SLC25A4: variants seen among roughly 807,000 people sequenced by gnomAD.
SLC25A4 encodes solute carrier family 25 member 4.
Under a neutral mutation model 24.7 loss-of-function variants are expected in SLC25A4, and 10 were observed. The observed-to-expected ratio is 0.41, with a 90% CI of 0.25 to 0.69. SLC25A4 has a LOEUF of 0.69. SLC25A4 is among the 30% of genes least tolerant of loss of function. SLC25A4 has a pLI of 0.35. For missense variants in SLC25A4, 273 were observed against 387.6 expected (o/e 0.70, Z 2.48); for synonymous variants, 125 against 153.3 (o/e 0.82, Z 1.36).
Position 185,145,274 on chromosome 4 carries a change from A to G in SLC25A4, c.598+24A>G, listed in dbSNP as rs1351966074. 1 of 1,613,466 alleles carries G rather than the reference A, an allele frequency of 6.2e-7. No individual in the cohort carries two copies. The highest frequency in any genetic ancestry group is 1.3e-5 in the African/African-American group (1 of 74,922). ...GGGTGAGAGAGGGGCATCGGGGAGA[A>G]GGAGGGTGGTGTGGAAAGAGGATCC... is the stretch of plus-strand genomic sequence containing the variant. On this transcript the variant is annotated intron_variant, in intron 2 of 3. Transcript: ENST00000281456. This position sits in a 1 kb window ranked among gnomAD's most constrained non-coding sequence, Gnocchi z 5.5.
rs375855227 is a variant in SLC25A4, at chr4:185,145,151, T to A, written c.499T>A (p.Ser167Thr). 1.2e-5 allele frequency: 19 copies of A among 1,613,326 alleles called. No individual in the cohort carries two copies. Among genetic ancestry groups the A allele is most frequent in the Non-Finnish European group, 1.6e-5 (19 of 1,179,544 alleles). Residue 167 changes from serine to threonine, a missense_variant, in exon 2 of 4, where the codon TCT becomes ACT. By Grantham distance (58) the Ser-to-Thr change is moderately conservative. Transcript: ENST00000281456. This position sits in a 1 kb window ranked among gnomAD's most constrained non-coding sequence, Gnocchi z 5.5. ...LGDCIIKIFK[S>T]DGLRGLYQGF... is the part of the protein sequence containing the mutation. The stretch of plus-strand genomic sequence containing the variant: ...CGACTGTATCATCAAGATCTTCAAG[T>A]CTGATGGCCTGAGGGGGCTCTACCA...
chr4:185,146,748 A>G, intron 3 of SLC25A4, 66 bp from the exon 4 acceptor site: 17 of 1,581,200 alleles, frequency 1.1e-5, no homozygotes. Flanking sequence ...GTGTACAGAT[A>G]TGTTTCAGGG....
chr4:185,144,911 C>G lies in SLC25A4; in HGVS notation c.259C>G (p.Leu87Val). The G allele has an allele frequency of 6.2e-7, 1 of 1,614,216 alleles. No homozygotes were observed. Among genetic ancestry groups the G allele is most frequent in the Non-Finnish European group, 8.5e-7 (1 of 1,180,024 alleles). The change falls in exon 2 of 4, where the codon CTC becomes GTC. Residue 87 changes from leucine (L) to valine (V), a missense_variant. Coordinates refer to ENST00000281456, the MANE Select transcript of SLC25A4 (RefSeq NM_001151.4). ...GATCCGTTACTTCCCCACCCAAGCTCTCAACTTCGCCTTCAAGGACAAGTA... is the reference window on the plus strand; with the variant it reads ...GATCCGTTACTTCCCCACCCAAGCTGTCAACTTCGCCTTCAAGGACAAGTA... ...NVIRYFPTQALNFAFKDKYKQ... is the reference protein window; with the variant it reads ...NVIRYFPTQAVNFAFKDKYKQ...
Position 185,147,002 on chromosome 4 carries a change from A to G in SLC25A4, c.*31A>G. The G allele has an allele frequency of 3.1e-6, 5 of 1,588,634 alleles. No individual in the cohort carries two copies. The African/African-American group carries it at 4.0e-5, about 13-fold the overall frequency. ...TTAAAACACAAGTTCACAGATTTAC[A>G]GTGAACTTGATCTACAAGTTCACAG... On this transcript the variant is annotated 3_prime_UTR_variant, in exon 4 of 4. Transcript: ENST00000281456.
At position 185,144,954 on chromosome 4, in the gene SLC25A4, G is replaced by A. The variant is rs192213532; in HGVS notation, c.302G>A (p.Gly101Glu). The change falls in exon 2 of 4, where the codon GGG (glycine) becomes GAG (glutamate). Residue 101 changes from glycine to glutamate, a missense_variant. Physicochemically the swap from Gly to Glu is moderately conservative, Grantham distance 98. Transcript: ENST00000281456. The stretch of plus-strand genomic sequence containing the variant: ...GACAAGTACAAGCAGCTCTTCTTAG[G>A]GGGTGTGGATCGGCATAAGCAGTTC... Reference protein sequence around the residue: ...FKDKYKQLFLGGVDRHKQFWR... With the variant: ...FKDKYKQLFLEGVDRHKQFWR... The A allele has an allele frequency of 1.1e-5, 18 of 1,614,204 alleles. No individual in the cohort carries two copies. The highest frequency in any genetic ancestry group is 1.7e-5 in the Admixed American group (1 of 60,026).
chr4:185,146,668 C>T (rs982529728), intron 3 of SLC25A4, 146 bp from the exon 4 acceptor site: 6 of 832,668 alleles, frequency 7.2e-6, no homozygotes, highest in Non-Finnish European at 1.0e-5. Context: ...AAGGAGATGT[C>T]CAGTGGGATG....
In SLC25A4 at chr4:185,146,823, T is replaced by C. The variant is rs1188403523; in HGVS notation, c.749T>C (p.Met250Thr). ...MQSGRKGADIMYTGTVDCWRK... is the reference protein window; with the variant it reads ...MQSGRKGADITYTGTVDCWRK... The stretch of plus-strand genomic sequence containing the variant: ...GCATTTGTTTCCACAGCCGATATTA[T>C]GTACACGGGGACAGTTGACTGCTGG... Residue 250 changes from methionine to threonine, a missense_variant, in exon 4 of 4, where the codon ATG (methionine) becomes ACG (threonine). Physicochemically the swap from Met to Thr is moderately conservative, Grantham distance 81. Transcript: ENST00000281456. 10 of 1,614,230 alleles carry C rather than the reference T, an allele frequency of 6.2e-6. No individual in the cohort carries two copies. The highest frequency in any genetic ancestry group is 8.5e-6 in the Non-Finnish European group (10 of 1,180,042).
chr4:185,143,280 G>C lies in SLC25A4; in HGVS notation c.-93G>C, dbSNP rs986536206. 5 of 671,186 alleles carry C rather than the reference G, an allele frequency of 7.4e-6. No individual in the cohort carries two copies. The East Asian group carries it at 1.5e-4, about 20-fold the overall frequency. The allele number at this position is 671,186 out of a possible 1,614,324, so 41.6% of individuals were successfully genotyped here. A position where few individuals can be genotyped will look rare whatever the true frequency, so the allele number is the denominator to read the frequency against. ...GGCCAGGCGGCGGCCCCCTAGCGTC[G>C]CGCAGGGTCGGGGACTGCGCGGCGG... On this transcript the variant is annotated 5_prime_UTR_variant, in exon 1 of 4. Transcript: ENST00000281456.
In SLC25A4 at chr4:185,145,206, TTATC is replaced by T; in HGVS notation, c.558_561del (p.Tyr187GlufsTer25). 6.2e-7 allele frequency: 1 copy of T among 1,614,066 alleles called. No homozygotes were observed. The highest frequency in any genetic ancestry group is 8.5e-7 in the Non-Finnish European group (1 of 1,180,010). ...TTCAACGTCTCTGTCCAAGGCATCA[TTATC>T]TATAGAGCTGCCTACTTCGGAGTCT... On this transcript the variant is annotated frameshift_variant, in exon 2 of 4. Coordinates refer to ENST00000281456, the MANE Select transcript of SLC25A4 (RefSeq NM_001151.4). LOFTEE classifies it high-confidence loss of function. This position sits in a 1 kb window ranked among gnomAD's most constrained non-coding sequence, Gnocchi z 5.5.
At chr4:185,143,960 A>G (rs553802221) in intron 1 of SLC25A4, among the ~76,000 whole-genome samples, 1 of 152,306 alleles carries the variant, frequency 6.6e-6, no homozygotes, top group Non-Finnish European at 1.5e-5. Context: ...AACCTCTGTG[A>G]GAGAGTTATT....
In SLC25A4 at chr4:185,144,750, C is replaced by G. The variant is rs776046219; in HGVS notation, c.112-14C>G. On this transcript the variant is annotated splice_polypyrimidine_tract_variant and intron_variant, in intron 1 of 3. Coordinates refer to ENST00000281456, the MANE Select transcript of SLC25A4 (RefSeq NM_001151.4). ...CCCTGCCTGTCCTCTGTCACCCACC[C>G]TCCCCTCCACCAGGTCCAGCATGCC... The G allele has an allele frequency of 6.2e-7, 1 of 1,613,472 alleles. No individual in the cohort carries two copies. Among genetic ancestry groups the G allele is most frequent in the Non-Finnish European group, 8.5e-7 (1 of 1,179,828 alleles).
chr4:185,145,632 G>A lies in SLC25A4; in HGVS notation c.599-127G>A. The A allele has an allele frequency of 1.7e-6, 2 of 1,205,890 alleles. No homozygotes were observed. Among genetic ancestry groups the A allele is most frequent in the Non-Finnish European group, 2.4e-6 (2 of 845,182 alleles). The allele number at this position is 1,205,890 out of a possible 1,614,324, so 74.7% of individuals were successfully genotyped here. On this transcript the variant is annotated intron_variant, in intron 2 of 3. Transcript: ENST00000281456. This position sits in a 1 kb window ranked among gnomAD's most constrained non-coding sequence, Gnocchi z 5.5. ...CTGCCTGGTCATATGTGAAGCACCT[G>A]CACAGGGGCAGGTTCCCCGCAAGGT... is the stretch of plus-strand genomic sequence containing the variant.
In SLC25A4 at chr4:185,148,421, G is replaced by A. The variant is rs879005088; in HGVS notation, c.*1450G>A. 2.6e-5 allele frequency: 4 copies of A among 152,152 alleles called. No individual in the cohort carries two copies. Among genetic ancestry groups the A allele is most frequent in the African/African-American group, 9.7e-5 (4 of 41,440 alleles). The allele number at this position is 152,152 out of a possible 1,614,324, so 9.4% of individuals were successfully genotyped here. On this transcript the variant is annotated 3_prime_UTR_variant, in exon 4 of 4. Transcript: ENST00000281456. ...GGCCCCGTGGAAGGGAAAATAGATAGGAACCTGCCCTGAAAGATGCTTCAG... is the reference window on the plus strand; with the variant it reads ...GGCCCCGTGGAAGGGAAAATAGATAAGAACCTGCCCTGAAAGATGCTTCAG...
At position 185,149,566 on chromosome 4, in the gene SLC25A4, G is replaced by A. The variant is rs1270308805; in HGVS notation, c.*2595G>A. ...CTCTGAGAGTGCTGGGATCTGGCGG[G>A]AGAACAGGCAGTACTTCCCTCACTA... is the stretch of plus-strand genomic sequence containing the variant. On this transcript the variant is annotated 3_prime_UTR_variant, in exon 4 of 4. Coordinates refer to ENST00000281456, the MANE Select transcript of SLC25A4 (RefSeq NM_001151.4). 1 of 152,220 alleles carries A rather than the reference G, an allele frequency of 6.6e-6. No homozygotes were observed. The highest frequency in any genetic ancestry group is 1.5e-5 in the Non-Finnish European group (1 of 68,060). The allele number at this position is 152,220 out of a possible 1,614,324, so 9.4% of individuals were successfully genotyped here.
rs777474737 is a variant in SLC25A4, at chr4:185,145,111, G to C, written c.459G>C (p.Glu153Asp). 6.2e-7 allele frequency: 1 copy of C among 1,612,790 alleles called. No homozygotes were observed. The highest frequency in any genetic ancestry group is 8.5e-7 in the Non-Finnish European group (1 of 1,179,060). Residue 153 changes from glutamate (E) to aspartate (D), a missense_variant, in exon 2 of 4, where the codon GAG becomes GAC. Transcript: ENST00000281456. This position sits in a 1 kb window ranked among gnomAD's most constrained non-coding sequence, Gnocchi z 5.5. ...TGGGCAAGGGCGCCGCCCAGCGTGAGTTCCATGGTCTGGGCGACTGTATCA... is the reference window on the plus strand; with the variant it reads ...TGGGCAAGGGCGCCGCCCAGCGTGACTTCCATGGTCTGGGCGACTGTATCA... ...ADVGKGAAQR[E>D]FHGLGDCIIK...
intron 1 of SLC25A4, 147 bp from the exon 2 acceptor site, chr4:185,144,617 T>A: frequency 4.1e-6 from 3 of 729,448 alleles, no homozygotes; most frequent in Non-Finnish European, 7.0e-6. Context: ...CAGTATCCAT[T>A]TACACGTCCT....
chr4:185,145,201 C>T lies in SLC25A4; in HGVS notation c.549C>T (p.Gly183=). Residue 183 remains glycine, a synonymous_variant, in exon 2 of 4, where the codon GGC becomes GGT. Coordinates refer to ENST00000281456, the MANE Select transcript of SLC25A4 (RefSeq NM_001151.4). This position sits in a 1 kb window ranked among gnomAD's most constrained non-coding sequence, Gnocchi z 5.5. The part of the protein sequence containing the change: ...LYQGFNVSVQ[G]IIIYRAAYFG... Reference sequence around the variant, plus strand: ...AGGGTTTCAACGTCTCTGTCCAAGGCATCATTATCTATAGAGCTGCCTACT... The same window carrying T: ...AGGGTTTCAACGTCTCTGTCCAAGGTATCATTATCTATAGAGCTGCCTACT... The T allele has an allele frequency of 6.2e-7, 1 of 1,614,092 alleles. No individual in the cohort carries two copies. The highest frequency in any genetic ancestry group is 8.5e-7 in the Non-Finnish European group (1 of 1,180,018).
Position 185,146,798 on chromosome 4 carries a change from G to C in SLC25A4, c.740-16G>C, listed in dbSNP as rs1230099469. On this transcript the variant is annotated splice_polypyrimidine_tract_variant and intron_variant, in intron 3 of 3. Coordinates refer to ENST00000281456, the MANE Select transcript of SLC25A4 (RefSeq NM_001151.4). ...CTCCAGCGTTACGGAGCCCTCACCA[G>C]CATTTGTTTCCACAGCCGATATTAT... 6.2e-7 allele frequency: 1 copy of C among 1,614,132 alleles called. No homozygotes were observed. The highest frequency in any genetic ancestry group is 1.1e-5 in the South Asian group (1 of 91,074).
rs1351892846 is a variant in SLC25A4 at position 185,149,859 on chromosome 4, T to C, written c.*2888T>C. ...ATCTTTTTAAGACCTTATTTTGTATTTTAAATGTATGAGAAAAATTATGGA... is the reference window on the plus strand; with the variant it reads ...ATCTTTTTAAGACCTTATTTTGTATCTTAAATGTATGAGAAAAATTATGGA... On this transcript the variant is annotated 3_prime_UTR_variant, in exon 4 of 4. Coordinates refer to ENST00000281456, the MANE Select transcript of SLC25A4 (RefSeq NM_001151.4). 1 of 152,238 alleles carries C rather than the reference T, an allele frequency of 6.6e-6. No homozygotes were observed. Among genetic ancestry groups the C allele is most frequent in the African/African-American group, 2.4e-5 (1 of 41,456 alleles). 9.4% of individuals were successfully genotyped at this position (152,238 alleles called of 1,614,324 possible). A position where few individuals can be genotyped will look rare whatever the true frequency, so the allele number is the denominator to read the frequency against.
Sources: gnomAD v4.1 joint callset for allele counts (sites outside exome capture counted in the v4.1 genomes callset) on GRCh38, gnomAD v4.1.1 for gene constraint, Gnocchi (gnomAD v3.1) non-coding constraint, MANE v1.5 for transcripts, NCBI Gene and HGNC (gene_info 2026-07-23, HGNC 2026-07-21) for gene names.